TMEM132C: variants seen among roughly 807,000 people sequenced by gnomAD.
TMEM132C encodes the protein transmembrane protein 132C.
Under a neutral mutation model 61.4 loss-of-function variants are expected in TMEM132C, and 29 were observed. The ratio of observed to expected loss-of-function variants is 0.47; its 90% CI spans 0.35 to 0.64. The LOEUF (loss-of-function observed/expected upper bound fraction) is 0.64. Ranked by LOEUF, TMEM132C falls within the 30% of genes least tolerant of loss-of-function variation. The pLI is 0.00. For synonymous variants in TMEM132C, 656 were observed against 633.1 expected (o/e 1.04, Z -0.54); for missense variants, 1,408 against 1,476.9 (o/e 0.95, Z 0.76).
At chr12:128,434,547 C>T (rs974471898) in intron 2 of TMEM132C, among the ~76,000 whole-genome samples, 2 of 152,120 alleles carry the variant, frequency 1.3e-5, no homozygotes, top group Non-Finnish European at 2.9e-5. Flanking sequence ...CTCGGCCTCT[C>T]AAAGTGCTGG....
At chr12:128,475,168 G>A (rs1871115736) in intron 2 of TMEM132C, among the ~76,000 whole-genome samples, 1 of 152,086 alleles carries the variant, frequency 6.6e-6, no homozygotes, top group Admixed American at 6.5e-5. Flanking sequence ...CAGGTGGGGA[G>A]GTCAGGTTAC....
chr12:128,355,062 C>T (rs1239197674), intron 1 of TMEM132C, among the ~76,000 whole-genome samples: 2 of 152,170 alleles, frequency 1.3e-5, no homozygotes, highest in African/African-American at 4.8e-5. Context: ...TATGATGATT[C>T]TAAATCCCTC....
intron 3 of TMEM132C, among the ~76,000 whole-genome samples, chr12:128,611,971 T>C (rs1876649659): frequency 6.6e-6 from 1 of 152,206 alleles, no homozygotes; most frequent in South Asian, 2.1e-4. Flanking sequence ...TTCTTCAACT[T>C]AGACAATCAT....
At chr12:128,520,154 T>C (rs1182643708) in intron 2 of TMEM132C, among the ~76,000 whole-genome samples, 1 of 152,180 alleles carries the variant, frequency 6.6e-6, no homozygotes, top group Admixed American at 6.5e-5. Flanking sequence ...CCCTTTCCCC[T>C]CTTCAGTGCT....
At chr12:128,287,869 T>C (rs1871122556) in intron 1 of TMEM132C, among the ~76,000 whole-genome samples, 1 of 152,196 alleles carries the variant, frequency 6.6e-6, no homozygotes, top group Non-Finnish European at 1.5e-5. Context: ...GTTTGAAGAG[T>C]ACAGGCCAGG....
intron 3 of TMEM132C, among the ~76,000 whole-genome samples, chr12:128,568,661 C>G (rs932714453): frequency 3.9e-5 from 6 of 152,098 alleles, no homozygotes; most frequent in Admixed American, 6.6e-5. Flanking sequence ...TCAACTAGCT[C>G]AGAATCTATG....
At chr12:128,636,155 A>G (rs906605288) in intron 4 of TMEM132C, among the ~76,000 whole-genome samples, 1 of 151,870 alleles carries the variant, frequency 6.6e-6, no homozygotes, top group African/African-American at 2.4e-5. Context: ...GGCTCAAGCA[A>G]TCCTCCCAAC....
intron 2 of TMEM132C, among the ~76,000 whole-genome samples, chr12:128,427,387 GGTGTGTGTGTGTGTGT>G (rs761620460): frequency 1.3e-3 from 169 of 132,362 alleles, no homozygotes; most frequent in Middle Eastern, 0.012. Flanking sequence ...CTTCCAAAGG[GGTGTGTGTGTGTGTGT>G]GTGTGTGTGT....
At chr12:128,698,604 CA>C (rs1240591334) in intron 8 of TMEM132C, among the ~76,000 whole-genome samples, 9 of 152,236 alleles carry the variant, frequency 5.9e-5, no homozygotes, top group Non-Finnish European at 1.0e-4. Flanking sequence ...GTGGCTGGCA[CA>C]TGCCAGCCAG....
At chr12:128,460,594 T>G (rs1870499691) in intron 2 of TMEM132C, among the ~76,000 whole-genome samples, 1 of 151,494 alleles carries the variant, frequency 6.6e-6, no homozygotes, top group African/African-American at 2.4e-5. Flanking sequence ...CCCCACTGAG[T>G]AGCAATGGCT....
Position 128,657,500 on chromosome 12 carries a change from C to T in TMEM132C, c.1306-11917C>T, listed in dbSNP as rs141696807. ...GAGGCATGATCTGACTGGATCCTGCCATGGGGTGACACCGGGGCTCAATCT... is the reference window on the plus strand; with the variant it reads ...GAGGCATGATCTGACTGGATCCTGCTATGGGGTGACACCGGGGCTCAATCT... On this transcript the variant is annotated intron_variant, in intron 4 of 8. Transcript: ENST00000435159. Among the ~76,000 whole-genome samples the T allele has an allele frequency of 2.5e-3, 378 of 152,156 alleles. 1 individual carries two copies. The highest frequency in any genetic ancestry group is 4.4e-3 in the Non-Finnish European group (302 of 68,002).
At chr12:128,551,543 G>T (rs1026546234) in intron 3 of TMEM132C, among the ~76,000 whole-genome samples, 2 of 152,142 alleles carry the variant, frequency 1.3e-5, no homozygotes, top group African/African-American at 4.8e-5. Context: ...TATTTACAGG[G>T]TGCGAGGCCA....
At chr12:128,280,480 G>A (rs1870855181) in intron 1 of TMEM132C, among the ~76,000 whole-genome samples, 1 of 152,198 alleles carries the variant, frequency 6.6e-6, no homozygotes. Flanking sequence ...CATAAATAGT[G>A]AAAAGCATCC....
chr12:128,704,292 A>T (rs1954821684), intron 8 of TMEM132C, among the ~76,000 whole-genome samples: 3 of 152,196 alleles, frequency 2.0e-5, no homozygotes, highest in Non-Finnish European at 4.4e-5. Context: ...GTTTTTACAT[A>T]GCTGTTGGGT....
intron 2 of TMEM132C, among the ~76,000 whole-genome samples, chr12:128,495,241 G>C (rs1382363820): frequency 1.3e-5 from 2 of 152,022 alleles, no homozygotes; most frequent in Non-Finnish European, 2.9e-5. Flanking sequence ...TTGCTGAGGA[G>C]TGCTTTACTT....
chr12:128,267,479 T>A lies in TMEM132C; in HGVS notation c.77T>A (p.Leu26Gln), dbSNP rs1193721733. 11 of 1,264,346 alleles carry A rather than the reference T, an allele frequency of 8.7e-6. No individual in the cohort carries two copies. Among genetic ancestry groups the A allele is most frequent in the Non-Finnish European group, 9.9e-7 (1 of 1,007,528 alleles). 78.3% of individuals were successfully genotyped at this position (1,264,346 alleles called of 1,614,324 possible). Residue 26 changes from leucine (L) to glutamine (Q), a missense_variant, in exon 1 of 9, where the codon CTG (leucine) becomes CAG (glutamine). By Grantham distance (113) the Leu-to-Gln change is moderately radical. Transcript: ENST00000435159. ...CTGAGCCTGCTGCTGGGCGCGCTGC[T>A]GGGCAAAGGTAAGGCCGGGGCGGGT... The part of the protein sequence containing the change: ...GALSLLLGAL[L>Q]GKVIEGHGVT...
At chr12:128,487,480 G>A (rs1008101666) in intron 2 of TMEM132C, among the ~76,000 whole-genome samples, 21 of 151,954 alleles carry the variant, frequency 1.4e-4, no homozygotes, top group Non-Finnish European at 2.5e-4. Flanking sequence ...GTGCGTGTGT[G>A]TGTGTGTGTG....
chr12:128,501,630 GC>G (rs767807815), intron 2 of TMEM132C, among the ~76,000 whole-genome samples: 1 of 152,190 alleles, frequency 6.6e-6, no homozygotes, highest in Non-Finnish European at 1.5e-5. Context: ...CTTCAATTAT[GC>G]CCTGGCTTCA....
chr12:128,537,832 G>A (rs1873589262), intron 2 of TMEM132C, among the ~76,000 whole-genome samples: 1 of 152,214 alleles, frequency 6.6e-6, no homozygotes, highest in Non-Finnish European at 1.5e-5. Context: ...ATAGTAATAT[G>A]CCTATATCAA....
Sources: gnomAD v4.1 joint callset for allele counts (sites outside exome capture counted in the v4.1 genomes callset) on GRCh38, gnomAD v4.1.1 for gene constraint, MANE v1.5 for transcripts, NCBI Gene and HGNC (gene_info 2026-07-23, HGNC 2026-07-21) for gene names.